The following LRP1B variants were observed in gnomAD, a reference collection of about 807,000 sequenced individuals.
LRP1B encodes LDL receptor related protein 1B.
A neutral mutation model predicts 556.6 loss-of-function variants in LRP1B; 217 were observed. The observed-to-expected ratio is 0.39, with a 90% CI of 0.35 to 0.44. The LOEUF (loss-of-function observed/expected upper bound fraction) is 0.44, where lower values mean the gene tolerates loss of function less well. LRP1B is among the 20% of genes least tolerant of loss of function. The pLI, the probability that LRP1B is intolerant of heterozygous loss-of-function variation, is 1.00. For synonymous variants in LRP1B, 2,047 were observed against 1,865.8 expected (o/e 1.10, Z -2.50); for missense variants, 5,053 against 5,620.8 (o/e 0.90, Z 3.23).
intron 43 of LRP1B, among the ~76,000 whole-genome samples, chr2:140,558,866 G>T (rs543630639): frequency 1.5e-4 from 22 of 151,532 alleles, no homozygotes; most frequent in African/African-American, 5.3e-4. Context: ...AACCTGGGAG[G>T]TAGAGGCTGC....
At chr2:141,397,411 C>G (rs1375399129) in intron 3 of LRP1B, among the ~76,000 whole-genome samples, 1 of 150,054 alleles carries the variant, frequency 6.7e-6, no homozygotes, top group African/African-American at 2.5e-5. Context: ...CCCTTAATAC[C>G]AAAAATTACA....
Position 140,602,076 on chromosome 2 carries a change from C to T in LRP1B, c.6800-437G>A, listed in dbSNP as rs542410667. 3.9e-5 allele frequency among the ~76,000 whole-genome samples: 6 copies of T among 152,056 alleles called. 1 individual carries two copies. Among genetic ancestry groups the T allele is most frequent in the African/African-American group, 1.4e-4 (6 of 41,470 alleles). On this transcript the variant is annotated intron_variant, in intron 41 of 90. Transcript: ENST00000389484. ...TCTGGAGATGTCCAGGAAAAGCAAA[C>T]ACATCGAAAACTACAACAGTATGAG...
At chr2:141,535,034 A>G (rs1330006686) in intron 2 of LRP1B, among the ~76,000 whole-genome samples, 1 of 152,102 alleles carries the variant, frequency 6.6e-6, no homozygotes, top group African/African-American at 2.4e-5. Context: ...TAACTTTTAC[A>G]CAGCCATCAA....
chr2:141,741,453 C>T (rs1033897261), intron 2 of LRP1B, among the ~76,000 whole-genome samples: 2 of 151,696 alleles, frequency 1.3e-5, no homozygotes, highest in Admixed American at 6.6e-5. Context: ...CACTTCCTTG[C>T]CAGCATTTGT....
chr2:141,602,624 A>T (rs1481196889), intron 2 of LRP1B, among the ~76,000 whole-genome samples: 6 of 152,082 alleles, frequency 3.9e-5, no homozygotes, highest in Admixed American at 3.3e-4. Context: ...CTCCCTAAAA[A>T]ATCCTTCTTC....
At chr2:141,743,958 T>TTTGA (rs3039227) in intron 2 of LRP1B, among the ~76,000 whole-genome samples, 146,739 of 151,610 alleles carry the variant, frequency 0.97, 71,173 homozygotes, top group East Asian at 1. Context: ...CAACTTTTTG[T>TTTGA]TTGATTCTTT....
At chr2:142,097,255 C>T (rs1178918316) in intron 1 of LRP1B, among the ~76,000 whole-genome samples, 1 of 151,578 alleles carries the variant, frequency 6.6e-6, no homozygotes, top group Non-Finnish European at 1.5e-5. Flanking sequence ...TCGTTGAAAA[C>T]TGGATTTCCT....
intron 1 of LRP1B, among the ~76,000 whole-genome samples, chr2:141,924,491 G>A (rs1033836766): frequency 6.6e-6 from 1 of 152,124 alleles, no homozygotes; most frequent in African/African-American, 2.4e-5. Context: ...CTGGCCCTCT[G>A]CCCATGTGAA....
intron 66 of LRP1B, among the ~76,000 whole-genome samples, chr2:140,398,178 T>C (rs1432970274): frequency 6.6e-6 from 1 of 152,162 alleles, no homozygotes; most frequent in African/African-American, 2.4e-5. Context: ...TTTTTGAGAT[T>C]ATAAAACCAA....
intron 2 of LRP1B, among the ~76,000 whole-genome samples, chr2:141,520,913 G>A (rs187264085): frequency 1.3e-5 from 2 of 152,042 alleles, no homozygotes. Flanking sequence ...CCCTTCATCT[G>A]ATTCCCTTGG....
intron 1 of LRP1B, among the ~76,000 whole-genome samples, chr2:141,929,254 G>A (rs1350945668): frequency 1.3e-5 from 2 of 151,978 alleles, no homozygotes; most frequent in Non-Finnish European, 2.9e-5. Context: ...CTCCACTAAC[G>A]TACACGACCA....
chr2:141,700,114 C>T (rs1328878543), intron 2 of LRP1B, among the ~76,000 whole-genome samples: 1 of 151,360 alleles, frequency 6.6e-6, no homozygotes, highest in African/African-American at 2.4e-5. Context: ...GTTCATTAGG[C>T]TTCTGGTAAG....
intron 25 of LRP1B, among the ~76,000 whole-genome samples, chr2:140,869,546 C>T (rs1038606050): frequency 2.0e-5 from 3 of 151,890 alleles, no homozygotes; most frequent in Non-Finnish European, 4.4e-5. Flanking sequence ...AATAGTGAGG[C>T]AAGAGTACAA....
intron 1 of LRP1B, among the ~76,000 whole-genome samples, chr2:141,839,573 G>A (rs1048184514): frequency 2.6e-5 from 4 of 152,074 alleles, no homozygotes; most frequent in African/African-American, 7.2e-5. Flanking sequence ...TTGTGCCCTC[G>A]GTTAGGCTGT....
intron 2 of LRP1B, among the ~76,000 whole-genome samples, chr2:141,564,014 A>G (rs1357256304): frequency 6.6e-6 from 1 of 152,120 alleles, no homozygotes; most frequent in Non-Finnish European, 1.5e-5. Flanking sequence ...CTAAATCTAC[A>G]ATAAAAGTTG....
chr2:141,458,247 G>T (rs1681708376), intron 3 of LRP1B, among the ~76,000 whole-genome samples: 1 of 152,190 alleles, frequency 6.6e-6, no homozygotes, highest in Admixed American at 6.5e-5. Flanking sequence ...AAGACAATAT[G>T]TGTTTTGAAG....
intron 3 of LRP1B, among the ~76,000 whole-genome samples, chr2:141,332,829 T>C (rs1449784522): frequency 6.9e-6 from 1 of 144,446 alleles, no homozygotes; most frequent in East Asian, 2.0e-4. Context: ...AAAAAAAGAT[T>C]ATGTTTCAGG....
At chr2:140,682,115 A>G (rs182009204) in intron 41 of LRP1B, among the ~76,000 whole-genome samples, 25 of 152,358 alleles carry the variant, frequency 1.6e-4, no homozygotes, top group African/African-American at 5.8e-4. Context: ...CAACTGTAAA[A>G]CAGTTACGTG....
intron 3 of LRP1B, among the ~76,000 whole-genome samples, chr2:141,424,040 C>A (rs1044950693): frequency 1.1e-4 from 17 of 151,048 alleles, no homozygotes; most frequent in Admixed American, 2.0e-4. Flanking sequence ...GCTATTAGCA[C>A]AATTTCTGTC....
Sources: gnomAD v4.1 joint callset for allele counts (sites outside exome capture counted in the v4.1 genomes callset) on GRCh38, gnomAD v4.1.1 for gene constraint, MANE v1.5 for transcripts, NCBI Gene and HGNC (gene_info 2026-07-23, HGNC 2026-07-21) for gene names.